Variants in TLR8 observed in about 807,000 individuals in gnomAD.
TLR8 encodes toll-like receptor 8.
TLR8 carries 5 observed loss-of-function variants against 18.5 expected under a neutral mutation model. The observed-to-expected ratio is 0.27, with a 90% confidence interval of 0.14 to 0.57. The LOEUF (loss-of-function observed/expected upper bound fraction) is 0.57, where lower values mean the gene tolerates loss of function less well. Among genes scored for constraint, TLR8 ranks in the 20% least tolerant of loss-of-function variants. The probability of loss-of-function intolerance (pLI) is 0.92; values close to 1 mark genes in which losing one functional copy is unlikely to be tolerated. For synonymous variants in TLR8, 299 were observed against 300.1 expected, an observed-to-expected ratio of 1.00 and a Z score of 0.04; for missense variants, 543 against 769.8, an observed-to-expected ratio of 0.71 and a Z score of 3.49.
chrX:12,911,336 G>C (rs2043019710), intron 1 of TLR8, among the ~76,000 whole-genome samples: 1 of 111,929 alleles, frequency 8.9e-6, no homozygotes, highest in African/African-American at 3.3e-5. Context: ...TAAGGGGCTA[G>C]AGGGAAAATC....
intron 1 of TLR8, among the ~76,000 whole-genome samples, chrX:12,908,973 G>T (rs914413150): frequency 8.9e-6 from 1 of 111,930 alleles, no homozygotes; most frequent in Non-Finnish European, 1.9e-5. Context: ...GAATATTAGG[G>T]TGTGTTTCAC....
intron 1 of TLR8, among the ~76,000 whole-genome samples, chrX:12,909,767 C>T (rs958334199): frequency 8.9e-6 from 1 of 111,961 alleles, no homozygotes; most frequent in Admixed American, 9.5e-5. Flanking sequence ...TCAACTCTAC[C>T]ACCTACCATC....
Position 12,920,085 on chromosome X carries a change from A to G in TLR8, c.1045A>G (p.Ile349Val). 1 of 1,209,760 alleles carries G rather than the reference A, an allele frequency of 8.3e-7. No individual in the cohort carries two copies. The highest frequency in any genetic ancestry group is 1.1e-6 in the Non-Finnish European group (1 of 894,612). The change falls in exon 2 of 2, where the codon ATA (isoleucine) becomes GTA (valine). Residue 349 changes from isoleucine (I) to valine (V), a missense_variant. Transcript: ENST00000218032. ...AATACTTGACTTGTCTTTTAACTAT[A>G]TAAAGGGGAGTTATCCACAGCATAT... ...LEILDLSFNY[I>V]KGSYPQHINI...
In TLR8 at chrX:12,921,926, G is replaced by A. The variant is rs759025004; in HGVS notation, c.2886G>A (p.Leu962=). 7 of 1,211,004 alleles carry A rather than the reference G, an allele frequency of 5.8e-6. No individual in the cohort carries two copies. Among genetic ancestry groups the A allele is most frequent in the Non-Finnish European group, 7.8e-6 (7 of 895,331 alleles). ...KSWNFKTAFY[L]ALQRLMDENM... ...GGAACTTTAAAACAGCTTTTTACTT[G>A]GCTTTGCAGAGGCTAATGGATGAGA... The change falls in exon 2 of 2, where the codon TTG becomes TTA. Residue 962 remains leucine (L), a synonymous_variant. Coordinates refer to ENST00000218032, the MANE Select transcript of TLR8 (RefSeq NM_138636.5).
chrX:12,916,660 C>T (rs1276554039), intron 1 of TLR8, among the ~76,000 whole-genome samples: 2 of 111,870 alleles, frequency 1.8e-5, no homozygotes, highest in Non-Finnish European at 3.8e-5. Flanking sequence ...CAGAACAAAT[C>T]GCTCCCAAAT....
In TLR8 at chrX:12,919,406, C is replaced by T. The variant is rs778696383; in HGVS notation, c.366C>T (p.Leu122=). 8.3e-7 allele frequency: 1 copy of T among 1,211,271 alleles called. No homozygotes were observed. The highest frequency in any genetic ancestry group is 3.0e-5 in the East Asian group (1 of 33,866). The change falls in exon 2 of 2, where the codon CTC becomes CTT. Residue 122 remains leucine, a synonymous_variant. Coordinates refer to ENST00000218032, the MANE Select transcript of TLR8 (RefSeq NM_138636.5). ...NGLNITDGAF[L]NLKNLRELLL... ...TGAATATCACAGACGGGGCATTCCT[C>T]AACCTAAAAAACCTAAGGGAGTTAC...
chrX:12,913,539 G>A (rs1301002618), intron 1 of TLR8, among the ~76,000 whole-genome samples: 1 of 112,473 alleles, frequency 8.9e-6, no homozygotes, highest in Non-Finnish European at 1.9e-5. Flanking sequence ...CCGTTTAATT[G>A]CCACATGGTA....
At chrX:12,913,188 A>T (rs1213472922) in intron 1 of TLR8, among the ~76,000 whole-genome samples, 1 of 112,262 alleles carries the variant, frequency 8.9e-6, no homozygotes, top group Non-Finnish European at 1.9e-5. Context: ...AGGTACACAT[A>T]AATAGTGAAA....
intron 1 of TLR8, among the ~76,000 whole-genome samples, chrX:12,914,969 A>C (rs1053619321): frequency 1.8e-5 from 2 of 111,832 alleles, no homozygotes; most frequent in East Asian, 5.6e-4. Flanking sequence ...CATATTATAC[A>C]CTTGAAAATC....
At position 12,921,111 on chromosome X, in the gene TLR8, G is replaced by A. The variant is rs1260728391; in HGVS notation, c.2071G>A (p.Glu691Lys). ...ATTACTCCAGCAGTTTCCTCGTCTC[G>A]AGTTGCTTGACTTACGTGGAAACAA... Reference protein sequence around the residue: ...WTLLQQFPRLELLDLRGNKLL... With the variant: ...WTLLQQFPRLKLLDLRGNKLL... The change falls in exon 2 of 2, where the codon GAG becomes AAG. Residue 691 changes from glutamate (E) to lysine (K), a missense_variant. By Grantham distance (56) the Glu-to-Lys change is moderately conservative (BLOSUM62 1). Transcript: ENST00000218032. 2.5e-6 allele frequency: 3 copies of A among 1,209,489 alleles called. No individual in the cohort carries two copies. Among genetic ancestry groups the A allele is most frequent in the Non-Finnish European group, 3.4e-6 (3 of 895,012 alleles).
rs1353304239 is a variant in TLR8 at position 12,922,283 on chromosome X, C to T, written c.*117C>T. Reference sequence around the variant, plus strand: ...CAAAACTTAGTGGTTTAAAACAACACATTTGCTGGCCCACAGTTTTTGAGG... The same window carrying T: ...CAAAACTTAGTGGTTTAAAACAACATATTTGCTGGCCCACAGTTTTTGAGG... On this transcript the variant is annotated 3_prime_UTR_variant, in exon 2 of 2. Coordinates refer to ENST00000218032, the MANE Select transcript of TLR8 (RefSeq NM_138636.5). 3 of 964,010 alleles carry T rather than the reference C, an allele frequency of 3.1e-6. No individual in the cohort carries two copies. The East Asian group carries it at 9.3e-5, about 30-fold the overall frequency. 79.4% of individuals were successfully genotyped at this position (964,010 alleles called of 1,213,427 possible). A position where few individuals can be genotyped will look rare whatever the true frequency, so the allele number is the denominator to read the frequency against.
chrX:12,906,791 G>T, intron 1 of TLR8, 82 bp downstream of exon 1: 2 of 883,112 alleles, frequency 2.3e-6, no homozygotes, highest in Non-Finnish European at 1.5e-6. Flanking sequence ...GGTGGCAAAT[G>T]GTGTGAGCCT....
At position 12,921,131 on chromosome X, in the gene TLR8, A is replaced by G; in HGVS notation, c.2091A>G (p.Gly697=). The G allele has an allele frequency of 1.7e-6, 2 of 1,211,663 alleles. No homozygotes were observed. Among genetic ancestry groups the G allele is most frequent in the Non-Finnish European group, 2.2e-6 (2 of 895,432 alleles). ...GTCTCGAGTTGCTTGACTTACGTGG[A>G]AACAAACTACTCTTTTTAACTGATA... is the stretch of plus-strand genomic sequence containing the variant. The part of the protein sequence containing the change: ...FPRLELLDLR[G]NKLLFLTDSL... The change falls in exon 2 of 2, where the codon GGA becomes GGG. Residue 697 remains glycine (G), a synonymous_variant. Coordinates refer to ENST00000218032, the MANE Select transcript of TLR8 (RefSeq NM_138636.5).
At chrX:12,910,241 A>C in intron 1 of TLR8, 1 of 1,038,917 alleles carries the variant, frequency 9.6e-7, no homozygotes, top group South Asian at 2.7e-5. Context: ...GGTTGAATCC[A>C]AACATTGTGC....
chrX:12,907,971 A>T (rs1033805558), intron 1 of TLR8, among the ~76,000 whole-genome samples: 2 of 112,249 alleles, frequency 1.8e-5, no homozygotes, highest in Non-Finnish European at 3.8e-5. Context: ...CACATATGGG[A>T]TTGCAGTTGA....
At position 12,921,455 on chromosome X, in the gene TLR8, T is replaced by C. The variant is rs1484820407; in HGVS notation, c.2415T>C (p.Ser805=). 1 of 1,210,277 alleles carries C rather than the reference T, an allele frequency of 8.3e-7. No individual in the cohort carries two copies. The highest frequency in any genetic ancestry group is 1.7e-5 in the African/African-American group (1 of 57,243). ...GACTGGTAGATGTCATTTGTGCCAG[T>C]CCTGGGGATCAAAGAGGGAAGAGTA... ...IPRLVDVICA[S]PGDQRGKSIV... is the part of the protein sequence containing the mutation. The change falls in exon 2 of 2, where the codon AGT becomes AGC. Residue 805 remains serine, a synonymous_variant. Transcript: ENST00000218032.
intron 1 of TLR8, among the ~76,000 whole-genome samples, chrX:12,911,866 T>G (rs1000317624): frequency 8.8e-6 from 1 of 113,058 alleles, no homozygotes; most frequent in Non-Finnish European, 1.9e-5. Context: ...GGCTTCAGCC[T>G]TCTCTGCTTT....
intron 1 of TLR8, among the ~76,000 whole-genome samples, chrX:12,918,213 G>A (rs5744072): frequency 0.013 from 1,438 of 111,300 alleles, 24 homozygotes; most frequent in African/African-American, 0.045. Context: ...TAGAAGTATA[G>A]AACAATTGTG....
In TLR8 at chrX:12,922,275, A is replaced by T; in HGVS notation, c.*109A>T. ...AATTATCCCAAAACTTAGTGGTTTA[A>T]AACAACACATTTGCTGGCCCACAGT... On this transcript the variant is annotated 3_prime_UTR_variant, in exon 2 of 2. Coordinates refer to ENST00000218032, the MANE Select transcript of TLR8 (RefSeq NM_138636.5). 9.8e-7 allele frequency: 1 copy of T among 1,016,701 alleles called. No homozygotes were observed. The highest frequency in any genetic ancestry group is 1.3e-6 in the Non-Finnish European group (1 of 761,376). 83.8% of individuals were successfully genotyped at this position (1,016,701 alleles called of 1,213,427 possible). A position where few individuals can be genotyped will look rare whatever the true frequency, so the allele number is the denominator to read the frequency against.
Sources: gnomAD v4.1 joint callset for allele counts (sites outside exome capture counted in the v4.1 genomes callset) on GRCh38, gnomAD v4.1.1 for gene constraint, MANE v1.5 for transcripts, NCBI Gene and HGNC (gene_info 2026-07-23, HGNC 2026-07-21) for gene names.